The following H3-3A variants were observed in gnomAD, a reference collection of about 807,000 sequenced individuals.
H3-3A encodes histone H3.3.
For synonymous variants in H3-3A, 49 were observed against 61.4 expected, an observed-to-expected ratio of 0.80 and a Z score of 0.95; for missense variants, 7 against 184.0, an observed-to-expected ratio of 0.04 and a Z score of 5.57.
chr1:226,071,286 G>T, intron 3 of H3-3A, 65 bp from the exon 4 acceptor site: 1 of 1,308,174 alleles, frequency 7.6e-7, no homozygotes, highest in South Asian at 1.2e-5. Context: ...GTTTTAATTC[G>T]TATAGTTGGG....
intron 2 of H3-3A, 55 bp downstream of exon 2, chr1:226,064,534 A>G: frequency 1.4e-6 from 2 of 1,424,842 alleles, no homozygotes; most frequent in Non-Finnish European, 1.9e-6. Flanking sequence ...GTATCCACAT[A>G]ATTTAACAAA....
At chr1:226,065,126 C>T (rs1023568227) in intron 2 of H3-3A, among the ~76,000 whole-genome samples, 4 of 152,146 alleles carry the variant, frequency 2.6e-5, no homozygotes, top group Non-Finnish European at 4.4e-5. Context: ...AACTTTTCCA[C>T]GTGGAAGGAA....
rs753404431 is a variant in H3-3A at position 226,071,337 on chromosome 1, C to G, written c.283-14C>G. On this transcript the variant is annotated splice_polypyrimidine_tract_variant and intron_variant, in intron 3 of 3. Transcript: ENST00000366815. ...ATAACATCATCAGTAATTTTTTCTT[C>G]ATTCCTTTTGCAGGAGGCAAGTGAG... 5.0e-6 allele frequency: 8 copies of G among 1,605,256 alleles called. No individual in the cohort carries two copies. Among genetic ancestry groups the G allele is most frequent in the Non-Finnish European group, 6.8e-6 (8 of 1,173,886 alleles).
At chr1:226,062,275 G>A (rs569582538), upstream of H3-3A, among the ~76,000 whole-genome samples, 119 of 149,952 alleles carry the variant, frequency 7.9e-4, no homozygotes, top group African/African-American at 2.7e-3. Context: ...TCCCCGCCGC[G>A]GCCCGAGACG....
intron 3 of H3-3A, among the ~76,000 whole-genome samples, chr1:226,069,816 G>A (rs1198961093): frequency 1.3e-5 from 2 of 152,176 alleles, no homozygotes; most frequent in Non-Finnish European, 2.9e-5. Flanking sequence ...GGGCTACAGA[G>A]CAAGACTCAA....
At chr1:226,069,698 G>T (rs1023039339) in intron 3 of H3-3A, among the ~76,000 whole-genome samples, 1 of 152,128 alleles carries the variant, frequency 6.6e-6, no homozygotes, top group Admixed American at 6.6e-5. Context: ...GGACGTGATG[G>T]TGCATGCCTG....
intron 3 of H3-3A, among the ~76,000 whole-genome samples, chr1:226,067,603 G>T (rs888709737): frequency 6.6e-6 from 1 of 151,994 alleles, no homozygotes; most frequent in African/African-American, 2.4e-5. Context: ...TTAGCTTGGC[G>T]TGGTGGCAGG....
rs2102735371 is a variant in H3-3A, at chr1:226,064,345, C to G, written c.-7C>G. 1 of 1,611,532 alleles carries G rather than the reference C, an allele frequency of 6.2e-7. No individual in the cohort carries two copies. Among genetic ancestry groups the G allele is most frequent in the Non-Finnish European group, 8.5e-7 (1 of 1,178,576 alleles). ...TGCTGGTAGGTAAGTAAGGAGGTCT[C>G]TGTACCATGGCTCGTACAAAGCAGA... On this transcript the variant is annotated 5_prime_UTR_variant, in exon 2 of 4. Transcript: ENST00000366815.
chr1:226,068,248 G>A (rs1402599986), intron 3 of H3-3A, among the ~76,000 whole-genome samples: 1 of 152,142 alleles, frequency 6.6e-6, no homozygotes, highest in African/African-American at 2.4e-5. Context: ...TCTCGTAGGA[G>A]TTCAGTCTCC....
At chr1:226,065,572 T>C (rs755538287) in intron 2 of H3-3A, 84 bp from the exon 3 acceptor site, 2 of 966,366 alleles carry the variant, frequency 2.1e-6, no homozygotes, top group Non-Finnish European at 1.5e-6. Flanking sequence ...TTTTGAAAGA[T>C]TACTGCATTT....
intron 1 of H3-3A, chr1:226,064,051 C>A: frequency 4.2e-6 from 1 of 238,868 alleles, no homozygotes; most frequent in Non-Finnish European, 8.4e-6. Context: ...TAAATTGGAT[C>A]AAAGGCCGTT....
chr1:226,064,610 A>G (rs1657861029), intron 2 of H3-3A, 131 bp downstream of exon 2: 1 of 632,450 alleles, frequency 1.6e-6, no homozygotes. Context: ...ACACTTAACT[A>G]CTGCTTAAAT....
At chr1:226,067,411 G>A (rs1182729480) in intron 3 of H3-3A, 2 of 152,090 alleles carry the variant, frequency 1.3e-5, no homozygotes, top group East Asian at 3.8e-4. Flanking sequence ...TTTTCTGTTT[G>A]CTTTTTTATG....
chr1:226,065,890 T>C (rs1359992458), intron 3 of H3-3A, 81 bp downstream of exon 3: 1 of 1,027,472 alleles, frequency 9.7e-7, no homozygotes, highest in South Asian at 1.4e-5. Flanking sequence ...CATGTGCTTA[T>C]ATCATTTAAT....
chr1:226,069,716 A>T (rs763534050), intron 3 of H3-3A, among the ~76,000 whole-genome samples: 1 of 152,158 alleles, frequency 6.6e-6, no homozygotes, highest in Non-Finnish European at 1.5e-5. Flanking sequence ...CTGTAATCCC[A>T]GCTACTCGGG....
Position 226,063,100 on chromosome 1 carries a change from C to T in H3-3A, c.-24+289C>T, listed in dbSNP as rs181076732. 4.5e-3 allele frequency among the ~76,000 whole-genome samples: 679 copies of T among 152,082 alleles called. 3 individuals are homozygous for T. Among genetic ancestry groups the T allele is most frequent in the Non-Finnish European group, 7.5e-3 (509 of 67,966 alleles). On this transcript the variant is annotated intron_variant, in intron 1 of 3. Transcript: ENST00000366815. ...TCCTCTTTCTTCGGTGAAATCCCGC[C>T]CGCCGCCCCTTCCCCGGACCCCAAA...
At chr1:226,063,035 C>T (rs1657787264) in intron 1 of H3-3A, among the ~76,000 whole-genome samples, 1 of 152,026 alleles carries the variant, frequency 6.6e-6, no homozygotes, top group African/African-American at 2.4e-5. Context: ...ACCGCCGCGG[C>T]GCCGAGCCTG....
chr1:226,065,901 C>T (rs1036829645), intron 3 of H3-3A, 92 bp downstream of exon 3: 6 of 955,440 alleles, frequency 6.3e-6, no homozygotes, highest in South Asian at 1.4e-5. Flanking sequence ...ATCATTTAAT[C>T]ACAAGCCTGT....
intron 1 of H3-3A, among the ~76,000 whole-genome samples, 189 bp downstream of exon 1, chr1:226,063,000 T>C (rs1380619322): frequency 1.3e-5 from 2 of 151,366 alleles, no homozygotes; most frequent in Non-Finnish European, 3.0e-5. Context: ...CCCCCGTCTC[T>C]CGCCGCCTCA....
Sources: allele counts gnomAD v4.1 joint callset (sites outside exome capture counted in the v4.1 genomes callset), GRCh38; gene constraint gnomAD v4.1.1; transcripts MANE v1.5; gene names NCBI Gene and HGNC (gene_info 2026-07-23, HGNC 2026-07-21).